The following EDN1 variants were observed in gnomAD, a reference collection of about 807,000 sequenced individuals.
The protein encoded by EDN1 is endothelin 1, also known as endothelin-1.
Under a neutral mutation model 21.7 loss-of-function variants are expected in EDN1, and 11 were observed. The observed-to-expected ratio is 0.51, with a 90% confidence interval of 0.32 to 0.84. EDN1 has a LOEUF of 0.84. Among genes scored for constraint, EDN1 ranks in the 40% least tolerant of loss-of-function variants. The pLI, the probability that EDN1 is intolerant of heterozygous loss-of-function variation, is 0.03. For synonymous variants in EDN1, 85 were observed against 90.6 expected (o/e 0.94, Z 0.35); for missense variants, 244 against 262.3 (o/e 0.93, Z 0.48).
chr6:12,245,372 A>G, the EDN1 span, among the ~76,000 whole-genome samples: 1 of 152,136 alleles, frequency 6.6e-6, no homozygotes, highest in Non-Finnish European at 1.5e-5. Context: ...TTTCTTTTTC[A>G]CCCTGTGGAA....
the EDN1 span, among the ~76,000 whole-genome samples, chr6:12,243,324 A>G: frequency 6.9e-6 from 1 of 144,680 alleles, no homozygotes; most frequent in Non-Finnish European, 1.5e-5. Flanking sequence ...GAGGAGGAGG[A>G]GAGGAGGAGG....
the EDN1 span, among the ~76,000 whole-genome samples, chr6:12,278,334 C>T: frequency 6.6e-6 from 1 of 152,138 alleles, no homozygotes; most frequent in African/African-American, 2.4e-5. Flanking sequence ...GAGATCTCTG[C>T]CTTCCTCAAG....
the EDN1 span, among the ~76,000 whole-genome samples, chr6:12,237,037 C>T: frequency 6.8e-6 from 1 of 147,752 alleles, no homozygotes; most frequent in Non-Finnish European, 1.5e-5. Context: ...CAAGTGTTCT[C>T]ATTGTTCAAT....
the EDN1 span, among the ~76,000 whole-genome samples, chr6:12,243,468 A>G: frequency 6.6e-6 from 1 of 152,314 alleles, no homozygotes; most frequent in East Asian, 1.9e-4. Context: ...GGATCTGCAC[A>G]GTTCAACCCA....
At chr6:12,275,037 C>T in the EDN1 span, among the ~76,000 whole-genome samples, 1 of 139,328 alleles carries the variant, frequency 7.2e-6, no homozygotes, top group Non-Finnish European at 1.6e-5. Context: ...CCCCAAAGAC[C>T]CCTGATATGA....
the EDN1 span, among the ~76,000 whole-genome samples, chr6:12,267,030 ATGT>A: frequency 2.0e-5 from 3 of 152,224 alleles, no homozygotes; most frequent in Non-Finnish European, 2.9e-5. Context: ...TATTGTTAAA[ATGT>A]TGTTTTGAAT....
chr6:12,237,259 G>C, the EDN1 span, among the ~76,000 whole-genome samples: 6 of 152,012 alleles, frequency 3.9e-5, no homozygotes, highest in Non-Finnish European at 8.8e-5. Flanking sequence ...CCAAGTCTTT[G>C]CTATTGTGAA....
At chr6:12,286,772 T>C (rs140749901), upstream of EDN1, among the ~76,000 whole-genome samples, 392 of 151,196 alleles carry the variant, frequency 2.6e-3, 4 homozygotes, top group African/African-American at 9.4e-3. Flanking sequence ...AAGAAATACA[T>C]AAAAAATAGT....
At chr6:12,250,480 A>T in the EDN1 span, among the ~76,000 whole-genome samples, 7 of 152,148 alleles carry the variant, frequency 4.6e-5, no homozygotes, top group Non-Finnish European at 7.4e-5. Context: ...TCTTCTTATC[A>T]CTATCAATGA....
At chr6:12,246,956 C>T in the EDN1 span, among the ~76,000 whole-genome samples, 2 of 152,216 alleles carry the variant, frequency 1.3e-5, no homozygotes, top group African/African-American at 2.4e-5. Context: ...ACTTTCATTA[C>T]AGTACCTAGA....
At chr6:12,274,254 T>A in the EDN1 span, among the ~76,000 whole-genome samples, 1 of 152,222 alleles carries the variant, frequency 6.6e-6, no homozygotes, top group Admixed American at 6.5e-5. Context: ...GTACTACAAT[T>A]TAGAAAAGCA....
chr6:12,295,888 AT>A, intron 4 of EDN1, 73 bp from the exon 5 acceptor site: 1 of 1,497,166 alleles, frequency 6.7e-7, no homozygotes, highest in Non-Finnish European at 9.2e-7. Context: ...CCAGATTCTA[AT>A]TTTACATGTT....
At chr6:12,256,512 A>G in the EDN1 span, among the ~76,000 whole-genome samples, 1 of 152,168 alleles carries the variant, frequency 6.6e-6, no homozygotes, top group Non-Finnish European at 1.5e-5. Flanking sequence ...AGAGAGCAAC[A>G]AGGCCTGGGG....
the EDN1 span, among the ~76,000 whole-genome samples, chr6:12,268,017 A>G: frequency 3.9e-5 from 6 of 152,344 alleles, no homozygotes; most frequent in East Asian, 1.2e-3. Flanking sequence ...TATTTACTGA[A>G]TATTTTAAGC....
At chr6:12,259,069 C>A in the EDN1 span, among the ~76,000 whole-genome samples, 8 of 152,130 alleles carry the variant, frequency 5.3e-5, no homozygotes, top group African/African-American at 1.4e-4. Context: ...TTTATGTTGA[C>A]AATACATGGT....
chr6:12,238,381 G>A, the EDN1 span, among the ~76,000 whole-genome samples: 1 of 152,140 alleles, frequency 6.6e-6, no homozygotes. Context: ...CATGGGGAAA[G>A]TGAAGGTCTC....
chr6:12,289,073 CCTTTTG>C (rs1762613652), upstream of EDN1, among the ~76,000 whole-genome samples: 2 of 152,148 alleles, frequency 1.3e-5, no homozygotes, highest in Admixed American at 1.3e-4. Context: ...GTTCCATGCA[CCTTTTG>C]CTTTCTTTAT....
At chr6:12,262,887 A>AAG in the EDN1 span, among the ~76,000 whole-genome samples, 1 of 151,808 alleles carries the variant, frequency 6.6e-6, no homozygotes, top group Non-Finnish European at 1.5e-5. Flanking sequence ...AAAAAAAAAA[A>AAG]AAAATTCAAT....
chr6:12,267,511 A>G, the EDN1 span, among the ~76,000 whole-genome samples: 9 of 152,338 alleles, frequency 5.9e-5, no homozygotes, highest in South Asian at 1.9e-3. Flanking sequence ...AATCCAGAGC[A>G]AGGCCCTAAC....
Sources: gnomAD v4.1 joint callset for allele counts (sites outside exome capture counted in the v4.1 genomes callset) on GRCh38, gnomAD v4.1.1 for gene constraint, MANE v1.5 for transcripts, NCBI Gene and HGNC (gene_info 2026-07-23, HGNC 2026-07-21) for gene names.